The following DAB1 variants were observed in gnomAD, a reference collection of about 807,000 sequenced individuals.
DAB1 encodes disabled homolog 1.
A neutral mutation model predicts 64.6 loss-of-function variants in DAB1; 15 were observed. That is an observed-to-expected ratio of 0.23 (90% CI 0.16 to 0.36). The LOEUF (loss-of-function observed/expected upper bound fraction) is 0.36. DAB1 is among the 10% of genes least tolerant of loss of function. The pLI, the probability that DAB1 is intolerant of heterozygous loss-of-function variation, is 1.00. For synonymous variants in DAB1, 235 were observed against 251.9 expected, an observed-to-expected ratio of 0.93 and a Z score of 0.64; for missense variants, 596 against 706.7, an observed-to-expected ratio of 0.84 and a Z score of 1.78.
chr1:57,603,389 A>T (rs1645598667), intron 7 of DAB1, among the ~76,000 whole-genome samples: 1 of 152,208 alleles, frequency 6.6e-6, no homozygotes, highest in Non-Finnish European at 1.5e-5. Context: ...ATAGCCCGGA[A>T]GAGACAACTC....
intron 7 of DAB1, among the ~76,000 whole-genome samples, chr1:57,463,539 C>A (rs1331210517): frequency 6.6e-6 from 1 of 151,998 alleles, no homozygotes; most frequent in Non-Finnish European, 1.5e-5. Flanking sequence ...GATGAGTGTG[C>A]TTTTTACTGC....
At chr1:57,434,891 C>G (rs1275769048) in intron 7 of DAB1, among the ~76,000 whole-genome samples, 3 of 152,036 alleles carry the variant, frequency 2.0e-5, no homozygotes, top group Non-Finnish European at 4.4e-5. Flanking sequence ...GATTTTAGGA[C>G]TGGAAATTGC....
chr1:57,100,413 C>CACTG (rs1654561619), intron 4 of DAB1, among the ~76,000 whole-genome samples: 1 of 152,166 alleles, frequency 6.6e-6, no homozygotes, highest in Non-Finnish European at 1.5e-5. Flanking sequence ...TGTTTAGCAG[C>CACTG]ACTGACTGAC....
chr1:57,176,140 T>G (rs534046169), intron 2 of DAB1, among the ~76,000 whole-genome samples: 1 of 152,290 alleles, frequency 6.6e-6, no homozygotes, highest in East Asian at 1.9e-4. Context: ...TCAGCTTCCC[T>G]CAGTGGTCCT....
At chr1:57,503,465 A>T (rs1178327777) in intron 7 of DAB1, among the ~76,000 whole-genome samples, 1 of 152,044 alleles carries the variant, frequency 6.6e-6, no homozygotes, top group Non-Finnish European at 1.5e-5. Context: ...GCCTCATTTC[A>T]CACTTCCCAT....
chr1:57,421,914 T>TGGGGG (rs1684932712), intron 1 of DAB1, among the ~76,000 whole-genome samples: 1 of 11,472 alleles, frequency 8.7e-5, no homozygotes, highest in Admixed American at 7.2e-4. Flanking sequence ...GGGGGGGGGG[T>TGGGGG]GGCGGGGGGG....
chr1:57,684,038 T>C lies in DAB1; in HGVS notation n.552-34373A>G, dbSNP rs145840884. Among the ~76,000 whole-genome samples, 372 of 152,264 alleles carry C rather than the reference T, an allele frequency of 2.4e-3. 2 individuals carry two copies. The highest frequency in any genetic ancestry group is 8.1e-3 in the African/African-American group (337 of 41,550). The stretch of plus-strand genomic sequence containing the variant: ...ATAATCTCAGAGCTTAAAGACTGGT[T>C]ATTTGAATCAACTCAGTCAGACAAA... On this transcript the variant is annotated intron_variant and non_coding_transcript_variant, in intron 6 of 20. Transcript: ENST00000485760.
At chr1:57,142,681 T>C (rs371771599) in intron 3 of DAB1, among the ~76,000 whole-genome samples, 1 of 151,532 alleles carries the variant, frequency 6.6e-6, no homozygotes, top group Non-Finnish European at 1.5e-5. Flanking sequence ...CTAGTCCAGC[T>C]AGCTTGGGCC....
At chr1:58,396,559 A>AGAGACACAGAGATATGCAAGGAGG (rs1644524170) in intron 3 of DAB1, among the ~76,000 whole-genome samples, 2 of 152,018 alleles carry the variant, frequency 1.3e-5, no homozygotes, top group Non-Finnish European at 2.9e-5. Context: ...AGACAAAGGG[A>AGAGACACAGAGATATGCAAGGAGG]GAGACACAGA....
At chr1:57,665,564 T>C (rs895592319) in intron 6 of DAB1, among the ~76,000 whole-genome samples, 2 of 152,146 alleles carry the variant, frequency 1.3e-5, no homozygotes, top group Non-Finnish European at 2.9e-5. Context: ...ATGTTCAGTG[T>C]AAGATTATTT....
chr1:57,587,804 G>A (rs1184047258), intron 7 of DAB1, among the ~76,000 whole-genome samples: 5 of 152,218 alleles, frequency 3.3e-5, no homozygotes, highest in African/African-American at 1.2e-4. Flanking sequence ...AACTGACATT[G>A]AACCCAGGTA....
At chr1:57,630,970 A>T (rs1311098484) in intron 7 of DAB1, among the ~76,000 whole-genome samples, 3 of 152,220 alleles carry the variant, frequency 2.0e-5, no homozygotes. Flanking sequence ...TTGAAAGAAT[A>T]ATTATTACTG....
At chr1:57,145,512 T>C (rs1659036571) in intron 2 of DAB1, 83 bp from the exon 3 acceptor site, 1 of 1,408,170 alleles carries the variant, frequency 7.1e-7, no homozygotes, top group South Asian at 1.3e-5. Flanking sequence ...AGATCCGCTG[T>C]CTGGTTTCAT....
chr1:57,195,911 A>G (rs1402633836), intron 2 of DAB1, among the ~76,000 whole-genome samples: 1 of 152,248 alleles, frequency 6.6e-6, no homozygotes, highest in Non-Finnish European at 1.5e-5. Context: ...CCTTAAAAAG[A>G]TAATTATGCA....
In DAB1 at chr1:56,997,158, C is replaced by A. The variant is rs967079808; in HGVS notation, c.*986G>T. On this transcript the variant is annotated 3_prime_UTR_variant, in exon 15 of 15. Transcript: ENST00000371236. ...CAGAATTATTTGGCAAATGACTTTT[C>A]TTTGAAAATGGCACGTGGAGAAGAC... 6.6e-6 allele frequency: 1 copy of A among 152,146 alleles called. No homozygotes were observed. The highest frequency in any genetic ancestry group is 6.5e-5 in the Admixed American group (1 of 15,278). 9.4% of individuals were successfully genotyped at this position (152,146 alleles called of 1,614,324 possible).
intron 7 of DAB1, among the ~76,000 whole-genome samples, chr1:57,600,893 C>G (rs369749045): frequency 6.6e-6 from 1 of 152,196 alleles, no homozygotes; most frequent in East Asian, 1.9e-4. Context: ...GAAAAAAGTT[C>G]AATAATTTTC....
At chr1:57,153,798 T>C (rs979847926) in intron 2 of DAB1, among the ~76,000 whole-genome samples, 1 of 151,988 alleles carries the variant, frequency 6.6e-6, no homozygotes, top group Non-Finnish European at 1.5e-5. Flanking sequence ...CCACCACACC[T>C]GGCTAATTTT....
intron 5 of DAB1, among the ~76,000 whole-genome samples, chr1:57,895,586 T>A (rs1644380973): frequency 6.6e-6 from 1 of 152,166 alleles, no homozygotes; most frequent in African/African-American, 2.4e-5. Context: ...CAAGAAAGGT[T>A]GACATATTCA....
chr1:58,490,417 A>G (rs1379873159), intron 3 of DAB1, among the ~76,000 whole-genome samples: 1 of 152,204 alleles, frequency 6.6e-6, no homozygotes, highest in Non-Finnish European at 1.5e-5. Context: ...AAATGAACAA[A>G]GCCTCCAAGA....
Sources: allele counts gnomAD v4.1 joint callset (sites outside exome capture counted in the v4.1 genomes callset), GRCh38; gene constraint gnomAD v4.1.1; transcripts MANE v1.5; gene names NCBI Gene and HGNC (gene_info 2026-07-23, HGNC 2026-07-21).